The following PSEN2 variants were observed in gnomAD, a reference collection of about 807,000 sequenced individuals.
The protein encoded by PSEN2 is presenilin-2.
A neutral mutation model predicts 49.1 loss-of-function variants in PSEN2; 32 were observed. The ratio of observed to expected loss-of-function variants is 0.65; its 90% CI spans 0.49 to 0.88. PSEN2 has a LOEUF of 0.88. PSEN2 is among the 40% of genes least tolerant of loss of function. The pLI is 0.00. For synonymous variants in PSEN2, 255 were observed against 244.0 expected, an observed-to-expected ratio of 1.05 and a Z score of -0.42; for missense variants, 522 against 586.9, an observed-to-expected ratio of 0.89 and a Z score of 1.14.
rs201261403 is a variant in PSEN2 at position 226,883,746 on chromosome 1, C to T, written c.183C>T (p.Asp61=). 13 of 1,614,060 alleles carry T rather than the reference C, an allele frequency of 8.1e-6. No homozygotes were observed. Among genetic ancestry groups the T allele is most frequent in the Non-Finnish European group, 1.1e-5 (13 of 1,180,050 alleles). ...AGGAGGACGGTGAGGAGGACCCTGA[C>T]CGCTATGTCTGTAGTGGGGTTCCCG... ...ENEEDGEEDP[D]RYVCSGVPGR... is the part of the protein sequence containing the mutation. The change falls in exon 5 of 13, where the codon GAC becomes GAT. Residue 61 remains aspartate (D), a synonymous_variant. Transcript: ENST00000366783.
In PSEN2 at chr1:226,880,541, GGACA is replaced by G. The variant is rs753561991; in HGVS notation, c.-20-1341_-20-1338del. ...TCTGGACAGCGATCACTCAGCCTCT[GGACA>G]GACAGCGATCACTCAGCCTCTGGAC... On this transcript the variant is annotated intron_variant, in intron 3 of 12. Coordinates refer to ENST00000366783, the MANE Select transcript of PSEN2 (RefSeq NM_000447.3). 2,661 of 1,404,754 alleles carry G rather than the reference GGACA, an allele frequency of 1.9e-3. 24 individuals are homozygous for G. Among genetic ancestry groups the G allele is most frequent in the African/African-American group, 2.4e-3 (85 of 35,938 alleles). 87.0% of individuals were successfully genotyped at this position (1,404,754 alleles called of 1,614,324 possible). A position where few individuals can be genotyped will look rare whatever the true frequency, so the allele number is the denominator to read the frequency against.
At chr1:226,872,223 G>A (rs1164993287) in intron 2 of PSEN2, among the ~76,000 whole-genome samples, 7 of 152,312 alleles carry the variant, frequency 4.6e-5, no homozygotes, top group African/African-American at 1.4e-4. Context: ...CCCAAGGGGG[G>A]TTTGCCTCTT....
intron 2 of PSEN2, among the ~76,000 whole-genome samples, chr1:226,875,007 A>G (rs1341266547): frequency 6.6e-6 from 1 of 152,124 alleles, no homozygotes; most frequent in Non-Finnish European, 1.5e-5. Flanking sequence ...CTGCTTCAGG[A>G]AATGAGAGAA....
intron 6 of PSEN2, among the ~76,000 whole-genome samples, 200 bp downstream of exon 6, chr1:226,885,879 C>A (rs1286970031): frequency 6.6e-6 from 1 of 151,074 alleles, no homozygotes; most frequent in Non-Finnish European, 1.5e-5. Flanking sequence ...TATTTATTTT[C>A]TTTTTCTTGA....
Position 226,888,872 on chromosome 1 carries a change from C to T in PSEN2, c.610C>T (p.Leu204Phe), listed in dbSNP as rs1232714297. The T allele has an allele frequency of 1.2e-6, 2 of 1,614,120 alleles. No homozygotes were observed. Among genetic ancestry groups the T allele is most frequent in the Admixed American group, 1.7e-5 (1 of 60,016 alleles). ...TYNVAMDYPT[L>F]LLTVWNFGAV... is the part of the protein sequence containing the mutation. ...CAATGTGGCCATGGACTACCCCACC[C>T]TCTTGCTGACTGTCTGGAACTTCGG... is the stretch of plus-strand genomic sequence containing the variant. The change falls in exon 8 of 13, where the codon CTC becomes TTC. Residue 204 changes from leucine to phenylalanine, a missense_variant. By Grantham distance (22) the Leu-to-Phe change is conservative (BLOSUM62 0). Coordinates refer to ENST00000366783, the MANE Select transcript of PSEN2 (RefSeq NM_000447.3).
At chr1:226,883,390 C>T (rs1481053021) in intron 4 of PSEN2, among the ~76,000 whole-genome samples, 4 of 152,168 alleles carry the variant, frequency 2.6e-5, no homozygotes, top group Non-Finnish European at 5.9e-5. Context: ...ATTGAGTGAC[C>T]TCCTGAGTCC....
intron 3 of PSEN2, among the ~76,000 whole-genome samples, chr1:226,877,491 A>G (rs1660709176): frequency 6.6e-6 from 1 of 152,208 alleles, no homozygotes; most frequent in African/African-American, 2.4e-5. Context: ...TTTGAGAAAC[A>G]GTGATCCTAA....
At chr1:226,900,776 T>C (rs999877311), downstream of PSEN2, among the ~76,000 whole-genome samples, 11 of 152,198 alleles carry the variant, frequency 7.2e-5, no homozygotes, top group Non-Finnish European at 1.5e-4. Context: ...GCTGTGTTGC[T>C]GTGTGCAACA....
At chr1:226,893,893 G>A in intron 11 of PSEN2, 114 bp from the exon 12 acceptor site, 1 of 883,304 alleles carries the variant, frequency 1.1e-6, no homozygotes, top group Non-Finnish European at 1.9e-6. Flanking sequence ...CTAGAGGCCA[G>A]GTGGGGTGGG....
Position 226,870,631 on chromosome 1 carries a change from G to A in PSEN2, c.-368G>A, listed in dbSNP as rs1296799132. The stretch of plus-strand genomic sequence containing the variant: ...TCAGCCAGCTGCGTAAACTCCGCTG[G>A]AGCGCGGCGGCAGAGCAGGTGAGCG... On this transcript the variant is annotated 5_prime_UTR_variant, in exon 1 of 13. Transcript: ENST00000366783. 4 of 152,106 alleles carry A rather than the reference G, an allele frequency of 2.6e-5. No homozygotes were observed. Among genetic ancestry groups the A allele is most frequent in the Non-Finnish European group, 5.9e-5 (4 of 68,220 alleles). 9.4% of individuals were successfully genotyped at this position (152,106 alleles called of 1,614,324 possible). A position where few individuals can be genotyped will look rare whatever the true frequency, so the allele number is the denominator to read the frequency against.
intron 3 of PSEN2, chr1:226,880,478 C>T: frequency 6.8e-7 from 1 of 1,469,938 alleles, no homozygotes; most frequent in Non-Finnish European, 9.0e-7. Context: ...GGGTGTGAAG[C>T]TCAGCCCTGA....
downstream of PSEN2, among the ~76,000 whole-genome samples, chr1:226,901,249 G>A (rs567694557): frequency 1.5e-4 from 23 of 151,990 alleles, 1 homozygote; most frequent in East Asian, 7.8e-4. Flanking sequence ...CAGCCTGGCC[G>A]ACATGGTGAA....
Position 226,895,656 on chromosome 1 carries a change from C to A in PSEN2, c.*77C>A. 1 of 1,469,252 alleles carries A rather than the reference C, an allele frequency of 6.8e-7. No homozygotes were observed. Among genetic ancestry groups the A allele is most frequent in the Non-Finnish European group, 9.3e-7 (1 of 1,074,378 alleles). 91.0% of individuals were successfully genotyped at this position (1,469,252 alleles called of 1,614,324 possible). A position where few individuals can be genotyped will look rare whatever the true frequency, so the allele number is the denominator to read the frequency against. On this transcript the variant is annotated 3_prime_UTR_variant, in exon 13 of 13. Coordinates refer to ENST00000366783, the MANE Select transcript of PSEN2 (RefSeq NM_000447.3). ...AGTTGTATAGTTTTACACTCTAGTG[C>A]CATATATTTTTAAGACTTTTCTTTC...
chr1:226,872,714 T>C (rs1660384097), intron 2 of PSEN2, among the ~76,000 whole-genome samples: 2 of 152,188 alleles, frequency 1.3e-5, no homozygotes, highest in Admixed American at 6.5e-5. Flanking sequence ...ACTGTTTAGT[T>C]GGGGACTGAT....
rs200853904 is a variant in PSEN2 at position 226,888,180 on chromosome 1, G to A, written c.566+22G>A. The A allele has an allele frequency of 4.4e-6, 7 of 1,594,938 alleles. No homozygotes were observed. The South Asian group carries it at 6.6e-5, about 15-fold the overall frequency. On this transcript the variant is annotated intron_variant, in intron 7 of 12. Coordinates refer to ENST00000366783, the MANE Select transcript of PSEN2 (RefSeq NM_000447.3). Reference sequence around the variant, plus strand: ...TTGGGTAAGTGACAGATAAGCAGCAGGGTCCCTGGGAGCCCCTCTCCATGT... The same window carrying A: ...TTGGGTAAGTGACAGATAAGCAGCAAGGTCCCTGGGAGCCCCTCTCCATGT...
chr1:226,893,694 G>T (rs2102694268), intron 11 of PSEN2, among the ~76,000 whole-genome samples: 1 of 152,302 alleles, frequency 6.6e-6, no homozygotes, highest in South Asian at 2.1e-4. Flanking sequence ...CCAGCCCAAG[G>T]CCTTGCATTT....
chr1:226,892,408 C>T (rs1015854483), intron 11 of PSEN2, among the ~76,000 whole-genome samples: 1 of 152,130 alleles, frequency 6.6e-6, no homozygotes, highest in Non-Finnish European at 1.5e-5. Flanking sequence ...GCAAACAGGC[C>T]TGGAGACATG....
chr1:226,874,604 A>G (rs1660512188), intron 2 of PSEN2, among the ~76,000 whole-genome samples: 1 of 152,212 alleles, frequency 6.6e-6, no homozygotes, highest in Non-Finnish European at 1.5e-5. Flanking sequence ...TCCAAGAGGC[A>G]CATCCATAGG....
At position 226,872,408 on chromosome 1, in the gene PSEN2, G is replaced by C. The variant is rs561252866; in HGVS notation, c.-207+1004G>C. Among the ~76,000 whole-genome samples the C allele has an allele frequency of 1.5e-4, 23 of 152,330 alleles. 1 individual carries two copies. Among genetic ancestry groups the C allele is most frequent in the African/African-American group, 5.3e-4 (22 of 41,580 alleles). On this transcript the variant is annotated intron_variant, in intron 2 of 12. Coordinates refer to ENST00000366783, the MANE Select transcript of PSEN2 (RefSeq NM_000447.3). ...TTTACAGAAGAGGAAACAAGTTCAG[G>C]GAGTTAAGCAGCTAGTCCAGTTATG... is the stretch of plus-strand genomic sequence containing the variant.
Sources: gnomAD v4.1 joint callset for allele counts (sites outside exome capture counted in the v4.1 genomes callset) on GRCh38, gnomAD v4.1.1 for gene constraint, MANE v1.5 for transcripts, NCBI Gene and HGNC (gene_info 2026-07-23, HGNC 2026-07-21) for gene names.